The following PPP2CB variants were observed in gnomAD, a reference collection of about 807,000 sequenced individuals.
PPP2CB encodes serine/threonine-protein phosphatase 2A catalytic subunit beta isoform.
A neutral mutation model predicts 39.1 loss-of-function variants in PPP2CB; 18 were observed. The ratio of observed to expected loss-of-function variants is 0.46; its 90% CI spans 0.32 to 0.68. The LOEUF (loss-of-function observed/expected upper bound fraction) is 0.68, where lower values mean the gene tolerates loss of function less well. Among genes scored for constraint, PPP2CB ranks in the 30% least tolerant of loss-of-function variants. The pLI, the probability that PPP2CB is intolerant of heterozygous loss-of-function variation, is 0.04. For synonymous variants in PPP2CB, 129 were observed against 133.8 expected (o/e 0.96, Z 0.25); for missense variants, 226 against 396.9 (o/e 0.57, Z 3.66).
At chr8:30,800,361 T>G (rs1806599700) in intron 1 of PPP2CB, among the ~76,000 whole-genome samples, 1 of 152,228 alleles carries the variant, frequency 6.6e-6, no homozygotes, top group South Asian at 2.1e-4. Flanking sequence ...AGAAGGTCTG[T>G]GTTTTAAAAA....
intron 1 of PPP2CB, among the ~76,000 whole-genome samples, chr8:30,811,342 G>A (rs1177946175): frequency 6.6e-6 from 1 of 151,954 alleles, no homozygotes; most frequent in Non-Finnish European, 1.5e-5. Context: ...ACTTAAGATC[G>A]GCTCTCGTTT....
rs1057113591 is a variant in PPP2CB at position 30,785,954 on chromosome 8, C to T, written c.*281G>A. 1 of 568,248 alleles carries T rather than the reference C, an allele frequency of 1.8e-6. No individual in the cohort carries two copies. The highest frequency in any genetic ancestry group is 1.5e-5 in the South Asian group (1 of 65,054). The allele number at this position is 568,248 out of a possible 1,614,324, so 35.2% of individuals were successfully genotyped here. A position where few individuals can be genotyped will look rare whatever the true frequency, so the allele number is the denominator to read the frequency against. On this transcript the variant is annotated 3_prime_UTR_variant, in exon 7 of 7. Transcript: ENST00000221138. ...CAAAAGGAGATGAAGCAGTTAGTTA[C>T]CTTTTTTGCTTGAACAGTCCAAAGG... is the stretch of plus-strand genomic sequence containing the variant.
chr8:30,812,121 G>T (rs1806842409), intron 1 of PPP2CB, among the ~76,000 whole-genome samples, 199 bp downstream of exon 1: 1 of 152,012 alleles, frequency 6.6e-6, no homozygotes, highest in Non-Finnish European at 1.5e-5. Flanking sequence ...GAGGTGGAAG[G>T]GGCAGGCGAG....
intron 1 of PPP2CB, among the ~76,000 whole-genome samples, chr8:30,800,673 A>AT (rs1806606155): frequency 6.6e-6 from 1 of 152,184 alleles, no homozygotes; most frequent in Non-Finnish European, 1.5e-5. Flanking sequence ...AGGAAGAAAA[A>AT]TTTAAAAGCC....
intron 2 of PPP2CB, among the ~76,000 whole-genome samples, chr8:30,798,283 C>T (rs547258212): frequency 6.6e-6 from 1 of 152,252 alleles, no homozygotes; most frequent in South Asian, 2.1e-4. Context: ...AGTTTCCTTT[C>T]TATTAAAAAA....
chr8:30,809,250 G>A (rs1806782924), intron 1 of PPP2CB, among the ~76,000 whole-genome samples: 1 of 151,944 alleles, frequency 6.6e-6, no homozygotes, highest in Non-Finnish European at 1.5e-5. Context: ...ACCAACCCGG[G>A]AGGATTGGTA....
At chr8:30,788,252 CTTGT>C (rs1177205316) in intron 6 of PPP2CB, among the ~76,000 whole-genome samples, 7 of 151,270 alleles carry the variant, frequency 4.6e-5, no homozygotes, top group East Asian at 1.9e-4. Context: ...TTCAAATCTT[CTTGT>C]TTTTTTTTTT....
At chr8:30,794,434 C>A in intron 3 of PPP2CB, 153 bp from the exon 4 acceptor site, 2 of 609,722 alleles carry the variant, frequency 3.3e-6, no homozygotes, top group Non-Finnish European at 5.5e-6. Context: ...CTTCTCTGGT[C>A]AATGGTATCC....
chr8:30,800,302 G>C (rs1175371978), intron 1 of PPP2CB, among the ~76,000 whole-genome samples: 1 of 152,180 alleles, frequency 6.6e-6, no homozygotes, highest in Non-Finnish European at 1.5e-5. Context: ...ATCACATAAT[G>C]TACAATTCCA....
chr8:30,788,777 A>G (rs932411887), intron 6 of PPP2CB, among the ~76,000 whole-genome samples: 6 of 152,126 alleles, frequency 3.9e-5, no homozygotes, highest in African/African-American at 1.4e-4. Context: ...TCTCCTGCCT[A>G]GTTGTTCTAT....
chr8:30,791,753 T>C (rs1427519521), intron 5 of PPP2CB, among the ~76,000 whole-genome samples: 1 of 152,068 alleles, frequency 6.6e-6, no homozygotes, highest in Non-Finnish European at 1.5e-5. Flanking sequence ...TAATACCTTT[T>C]ATTAGAGCCT....
At chr8:30,800,557 G>A (rs1480521532) in intron 1 of PPP2CB, among the ~76,000 whole-genome samples, 1 of 152,160 alleles carries the variant, frequency 6.6e-6, no homozygotes, top group African/African-American at 2.4e-5. Context: ...CTGAAGTACA[G>A]AATTTATGCT....
At position 30,794,279 on chromosome 8, in the gene PPP2CB, T is replaced by C. The variant is rs1160768146; in HGVS notation, c.489A>G (p.Ile163Met). Residue 163 changes from isoleucine (I) to methionine (M), a missense_variant and splice_region_variant, in exon 4 of 7, where the codon ATA becomes ATG. By Grantham distance (10) the Ile-to-Met change is conservative. Around this residue, in one of 4 missense-constraint regions of PPP2CB, gnomAD observed 110 missense variants for 244.1 expected, o/e 0.45. Transcript: ENST00000221138. Reference sequence around the variant, plus strand: ...GAGAGAGGCCACCATGGAGGCAGAATATCTATGTATGAATTAACAAAAGAG... The same window carrying C: ...GAGAGAGGCCACCATGGAGGCAGAACATCTATGTATGAATTAACAAAAGAG... ...LPLTALVDGQ[I>M]FCLHGGLSPS... The C allele has an allele frequency of 6.2e-7, 1 of 1,605,598 alleles. No individual in the cohort carries two copies. Among genetic ancestry groups the C allele is most frequent in the Non-Finnish European group, 8.5e-7 (1 of 1,172,326 alleles).
At chr8:30,795,085 G>C (rs549506958) in intron 3 of PPP2CB, among the ~76,000 whole-genome samples, 20 of 150,006 alleles carry the variant, frequency 1.3e-4, no homozygotes, top group South Asian at 8.4e-4. Context: ...AGAGAATAAC[G>C]TAAGTTTTAA....
Position 30,794,073 on chromosome 8 carries a change from T to C in PPP2CB, c.582A>G (p.Pro194=), listed in dbSNP as rs769332001. 6.2e-7 allele frequency: 1 copy of C among 1,607,578 alleles called. No individual in the cohort carries two copies. Among genetic ancestry groups the C allele is most frequent in the African/African-American group, 1.3e-5 (1 of 74,794 alleles). ...GATCTGACCATAACAGATCACACAT[T>C]GGGCCCTGGCCAAGAAAAATAAGTA... ...DRLQEVPHEG[P]MCDLLWSDPD... is the part of the protein sequence containing the mutation. Residue 194 remains proline (P), a synonymous_variant, in exon 5 of 7, where the codon CCA becomes CCG. Transcript: ENST00000221138.
intron 1 of PPP2CB, among the ~76,000 whole-genome samples, chr8:30,806,799 T>C (rs1449086037): frequency 6.6e-6 from 1 of 152,124 alleles, no homozygotes; most frequent in African/African-American, 2.4e-5. Flanking sequence ...CACACGGCAA[T>C]AAAAGCAGGC....
intron 3 of PPP2CB, among the ~76,000 whole-genome samples, chr8:30,795,610 G>C (rs185827974): frequency 6.6e-6 from 1 of 152,168 alleles, no homozygotes; most frequent in African/African-American, 2.4e-5. Flanking sequence ...GGCATACGGT[G>C]TGAGTTTTGA....
chr8:30,797,712 C>T lies in PPP2CB; in HGVS notation c.355G>A (p.Glu119Lys). Residue 119 changes from glutamate (E) to lysine (K), a missense_variant, in exon 3 of 7, where the codon GAA becomes AAA. By Grantham distance (56) the Glu-to-Lys change is moderately conservative. Transcript: ENST00000221138. ...TATACTTGGGTAATTTGTCGGCTTT[C>T]GTGATTTCCTCTCAATATTGTAATG... is the stretch of plus-strand genomic sequence containing the variant. ...ERITILRGNH[E>K]SRQITQVYGF... 6.2e-7 allele frequency: 1 copy of T among 1,613,996 alleles called. No individual in the cohort carries two copies. The highest frequency in any genetic ancestry group is 1.1e-5 in the South Asian group (1 of 91,078).
chr8:30,807,647 A>T (rs1272738806), intron 1 of PPP2CB, among the ~76,000 whole-genome samples: 2 of 152,186 alleles, frequency 1.3e-5, no homozygotes, highest in Non-Finnish European at 2.9e-5. Flanking sequence ...TCAGTTATAA[A>T]ATTTAACAGG....
Sources: gnomAD v4.1 joint callset for allele counts (sites outside exome capture counted in the v4.1 genomes callset) on GRCh38, gnomAD v4.1.1 for gene constraint, gnomAD v4.1.1 regional missense constraint, MANE v1.5 for transcripts, NCBI Gene and HGNC (gene_info 2026-07-23, HGNC 2026-07-21) for gene names.